The following ARHGEF3 variants were observed in gnomAD, a reference collection of about 807,000 sequenced individuals.
ARHGEF3 encodes the protein Rho guanine nucleotide exchange factor 3.
ARHGEF3 carries 28 observed loss-of-function variants against 63.2 expected under a neutral mutation model. The observed-to-expected ratio is 0.44, with a 90% CI of 0.33 to 0.61. ARHGEF3 has a LOEUF of 0.61. ARHGEF3 is among the 20% of genes least tolerant of loss of function. ARHGEF3 has a pLI of 0.03. For synonymous variants in ARHGEF3, 266 were observed against 254.2 expected (o/e 1.05, Z -0.44); for missense variants, 533 against 659.3 (o/e 0.81, Z 2.10).
chr3:57,034,952 T>G (rs2107225976), intron 2 of ARHGEF3: 1 of 671,318 alleles, frequency 1.5e-6, no homozygotes, highest in African/African-American at 1.8e-5. Flanking sequence ...TGAGACACCA[T>G]GCCTAGCACT....
Position 56,990,746 on chromosome 3 carries a change from T to TA in ARHGEF3, c.63-31858dup, listed in dbSNP as rs147158332. Among the ~76,000 whole-genome samples the TA allele has an allele frequency of 3.4e-3, 510 of 152,202 alleles. 1 individual carries two copies. The highest frequency in any genetic ancestry group is 0.011 in the African/African-American group (477 of 41,522). ...TTAGATTACATTACAATTTTATAGG[T>TA]AAAAAAACAGGCGGAGACAGCCAGT... On this transcript the variant is annotated intron_variant, in intron 2 of 12. Transcript: ENST00000338458.
intron 2 of ARHGEF3, among the ~76,000 whole-genome samples, chr3:56,978,893 C>T (rs767890026): frequency 1.3e-5 from 2 of 152,190 alleles, no homozygotes; most frequent in African/African-American, 4.8e-5. Context: ...CAGTGGCTCA[C>T]ACCTATAATC....
At position 57,074,202 on chromosome 3, in the gene ARHGEF3, G is replaced by A. The variant is rs546020376; in HGVS notation, c.-28+5024C>T. 5.0e-6 allele frequency: 8 copies of A among 1,614,092 alleles called. No individual in the cohort carries two copies. The South Asian group carries it at 5.5e-5, about 11-fold the overall frequency. The stretch of plus-strand genomic sequence containing the variant: ...CCGTTCAAACCAACTGACATTTACT[G>A]AGGGCTGCTTTGTCAGGTCCCTCTC... On this transcript the variant is annotated intron_variant, in intron 1 of 12. Transcript: ENST00000338458.
At chr3:56,937,726 A>G (rs1341989855) in intron 3 of ARHGEF3, among the ~76,000 whole-genome samples, 1 of 152,168 alleles carries the variant, frequency 6.6e-6, no homozygotes, top group East Asian at 1.9e-4. Context: ...AGGCTGCACA[A>G]AAAGCCCATG....
intron 4 of ARHGEF3, among the ~76,000 whole-genome samples, chr3:56,807,864 C>T (rs1005842568): frequency 2.6e-5 from 4 of 152,242 alleles, no homozygotes; most frequent in Non-Finnish European, 4.4e-5. Flanking sequence ...TGGCTCATGC[C>T]TGTAATCCCA....
chr3:56,878,610 T>C lies in ARHGEF3; in HGVS notation c.192+3682A>G, dbSNP rs190104366. On this transcript the variant is annotated intron_variant, in intron 4 of 12. Coordinates refer to the ARHGEF3 transcript ENST00000338458. ...CCAGTTTCCTCTGTAAGAGAAACTC[T>C]TAACAGGGGTCTTGGCTGGGATCCA... 5.3e-5 allele frequency among the ~76,000 whole-genome samples: 8 copies of C among 152,314 alleles called. No homozygotes were observed. The East Asian group carries it at 1.5e-3, about 29-fold the overall frequency.
intron 3 of ARHGEF3, among the ~76,000 whole-genome samples, chr3:56,918,881 A>G (rs1442087098): frequency 6.6e-6 from 1 of 152,222 alleles, no homozygotes; most frequent in Non-Finnish European, 1.5e-5. Flanking sequence ...CGAACCACAC[A>G]GAAGTATACA....
At chr3:56,944,571 T>TTTTTC (rs1289238309) in intron 3 of ARHGEF3, among the ~76,000 whole-genome samples, 1 of 136,642 alleles carries the variant, frequency 7.3e-6, no homozygotes, top group Non-Finnish European at 1.6e-5. Context: ...GTGGTTTCTT[T>TTTTTC]TTTTTTTTTT....
chr3:57,008,728 T>C (rs879768197), intron 2 of ARHGEF3, among the ~76,000 whole-genome samples: 8 of 152,212 alleles, frequency 5.3e-5, no homozygotes, highest in Admixed American at 5.2e-4. Flanking sequence ...CACCTCAGCC[T>C]CCCAAAGTGC....
chr3:56,800,452 T>C (rs1485017277), intron 1 of ARHGEF3, among the ~76,000 whole-genome samples: 2 of 151,724 alleles, frequency 1.3e-5, no homozygotes, highest in Non-Finnish European at 2.9e-5. Context: ...TGAGCTGGAG[T>C]GTAGGGTTGG....
At chr3:56,903,069 T>TAC (rs55802504) in intron 3 of ARHGEF3, among the ~76,000 whole-genome samples, 8,615 of 148,080 alleles carry the variant, frequency 0.058, 764 homozygotes, top group African/African-American at 0.2. Context: ...TCTCTAAACA[T>TAC]ACACACACAC....
At position 57,043,142 on chromosome 3, in the gene ARHGEF3, GTC is replaced by G. The variant is rs1456365297; in HGVS notation, c.-27-7968_-27-7967del. ...CTAACATTTTTTTTTTTAAGACCAAGTCTCTCTCTGTTGCCCAGGCTAGAGTG... is the reference window on the plus strand; with the variant it reads ...CTAACATTTTTTTTTTTAAGACCAAGTCTCTCTGTTGCCCAGGCTAGAGTG... On this transcript the variant is annotated intron_variant, in intron 1 of 12. Transcript: ENST00000338458. 2.6e-5 allele frequency among the ~76,000 whole-genome samples: 4 copies of G among 151,396 alleles called. No homozygotes were observed. The East Asian group carries it at 5.8e-4, about 22-fold the overall frequency.
chr3:57,021,677 C>T (rs1703264720), intron 2 of ARHGEF3, among the ~76,000 whole-genome samples: 1 of 151,224 alleles, frequency 6.6e-6, no homozygotes, highest in Middle Eastern at 3.4e-3. Context: ...CACTTGAGCC[C>T]GGGAGGCAGA....
intron 4 of ARHGEF3, among the ~76,000 whole-genome samples, chr3:56,831,865 T>C (rs905058242): frequency 1.3e-5 from 2 of 152,186 alleles, no homozygotes; most frequent in Non-Finnish European, 2.9e-5. Context: ...ATTTGAGCAA[T>C]CTTTGGGTGA....
chr3:56,892,359 A>G (rs555073229), intron 3 of ARHGEF3, among the ~76,000 whole-genome samples: 1 of 152,186 alleles, frequency 6.6e-6, no homozygotes, highest in African/African-American at 2.4e-5. Flanking sequence ...TGCATTAACC[A>G]GAGCACTTTT....
At chr3:57,005,052 C>T (rs6784399) in intron 2 of ARHGEF3, among the ~76,000 whole-genome samples, 72,888 of 151,492 alleles carry the variant, frequency 0.48, 19,231 homozygotes, top group Non-Finnish European at 0.6. Flanking sequence ...TTTATAGATG[C>T]TTTCTTAGAA....
chr3:56,967,911 A>ATG lies in ARHGEF3; in HGVS notation c.63-9023_63-9022insCA, dbSNP rs1213658194. Among the ~76,000 whole-genome samples, 526 of 70,268 alleles carry ATG rather than the reference A, an allele frequency of 7.5e-3. 7 individuals carry two copies. The highest frequency in any genetic ancestry group is 0.038 in the Middle Eastern group (2 of 52). 46.1% of individuals were successfully genotyped at this position (70,268 alleles called of 152,430 possible). ...ATATAATATATAAATAATATATTATATATAATATATTATATATAATATAAA... is the reference window on the plus strand; with the variant it reads ...ATATAATATATAAATAATATATTATATGTATAATATATTATATATAATATAAA... On this transcript the variant is annotated intron_variant, in intron 2 of 12. Coordinates refer to the ARHGEF3 transcript ENST00000338458.
chr3:56,784,691 C>T (rs1252898666), intron 1 of ARHGEF3, among the ~76,000 whole-genome samples: 2 of 152,214 alleles, frequency 1.3e-5, no homozygotes, highest in Admixed American at 6.5e-5. Flanking sequence ...ATTTTCTGGG[C>T]TCTCTCAGAG....
intron 2 of ARHGEF3, among the ~76,000 whole-genome samples, chr3:56,756,973 A>G (rs1014343453): frequency 2.6e-5 from 4 of 152,204 alleles, no homozygotes; most frequent in African/African-American, 7.2e-5. Context: ...TGATATAGCA[A>G]TGATCATACT....
Sources: allele counts gnomAD v4.1 joint callset (sites outside exome capture counted in the v4.1 genomes callset), GRCh38; gene constraint gnomAD v4.1.1; transcripts MANE v1.5; gene names NCBI Gene and HGNC (gene_info 2026-07-23, HGNC 2026-07-21).